Variants in AKAP13 observed in about 807,000 individuals in gnomAD.
The protein encoded by AKAP13 is A-kinase anchor protein 13.
A neutral mutation model predicts 264.5 loss-of-function variants in AKAP13; 80 were observed. The observed-to-expected ratio is 0.30, with a 90% confidence interval of 0.25 to 0.36. The LOEUF is 0.36. Among genes scored for constraint, AKAP13 ranks in the 10% least tolerant of loss-of-function variants. AKAP13 has a pLI of 1.00. For missense variants in AKAP13, 3,712 were observed against 3,435.2 expected, an observed-to-expected ratio of 1.08 and a Z score of -2.01; for synonymous variants, 1,380 against 1,250.2, an observed-to-expected ratio of 1.10 and a Z score of -2.19.
At chr15:85,430,861 C>T (rs932148149) in intron 1 of AKAP13, among the ~76,000 whole-genome samples, 1 of 152,150 alleles carries the variant, frequency 6.6e-6, no homozygotes, top group Non-Finnish European at 1.5e-5. Context: ...GGTTTAAATA[C>T]TTGTACTAGG....
intron 17 of AKAP13, among the ~76,000 whole-genome samples, chr15:85,703,867 T>TGC (rs2086076872): frequency 1.3e-5 from 2 of 149,934 alleles, no homozygotes; most frequent in Admixed American, 6.7e-5. Context: ...TATATATATA[T>TGC]ATATACACAC....
chr15:85,382,772 C>G (rs1328980231), intron 1 of AKAP13, among the ~76,000 whole-genome samples: 1 of 152,032 alleles, frequency 6.6e-6, no homozygotes, highest in Non-Finnish European at 1.5e-5. Context: ...AGCTTTTTAC[C>G]CTCTTTGCCG....
chr15:85,726,824 T>C (rs988819041), intron 27 of AKAP13, among the ~76,000 whole-genome samples: 1 of 152,260 alleles, frequency 6.6e-6, no homozygotes, highest in Non-Finnish European at 1.5e-5. Flanking sequence ...CCTGGAAAGA[T>C]TCATCGTGTG....
At chr15:85,606,659 G>T (rs2080361120) in intron 8 of AKAP13, among the ~76,000 whole-genome samples, 1 of 152,176 alleles carries the variant, frequency 6.6e-6, no homozygotes, top group African/African-American at 2.4e-5. Flanking sequence ...GGCATCATGG[G>T]GGTGACTACA....
chr15:85,566,907 C>G (rs533964379), intron 5 of AKAP13, among the ~76,000 whole-genome samples: 14 of 151,708 alleles, frequency 9.2e-5, no homozygotes, highest in Non-Finnish European at 2.1e-4. Context: ...GGATTACAGA[C>G]GTGAGCCACT....
chr15:85,513,510 A>G (rs2076510460), intron 2 of AKAP13, among the ~76,000 whole-genome samples: 1 of 152,240 alleles, frequency 6.6e-6, no homozygotes, highest in Non-Finnish European at 1.5e-5. Flanking sequence ...ACTCAGGGCA[A>G]CACCTGTTGT....
chr15:85,583,121 T>C (rs2079193725), intron 7 of AKAP13: 1 of 985,368 alleles, frequency 1.0e-6, no homozygotes, highest in African/African-American at 1.7e-5. Context: ...TTACCAGCTG[T>C]AGACAGAAGA....
chr15:85,565,114 G>T lies in AKAP13; in HGVS notation c.663-10017G>T, dbSNP rs368941564. Reference sequence around the variant, plus strand: ...TCTGTTTTGAAATCGGGTTGAATGTGAAAATCTAAGAGACTTTAACACTGT... The same window carrying T: ...TCTGTTTTGAAATCGGGTTGAATGTTAAAATCTAAGAGACTTTAACACTGT... On this transcript the variant is annotated intron_variant, in intron 5 of 36. Transcript: ENST00000394518. Among the ~76,000 whole-genome samples the T allele has an allele frequency of 1.9e-4, 29 of 152,268 alleles. No homozygotes were observed. In the East Asian group the frequency reaches 5.0e-3, roughly 26 times the overall value.
intron 1 of AKAP13, among the ~76,000 whole-genome samples, chr15:85,443,782 TG>T (rs2073801571): frequency 1.3e-5 from 2 of 151,030 alleles, no homozygotes; most frequent in Non-Finnish European, 3.0e-5. Flanking sequence ...AGTGTGTGTG[TG>T]TGTGTGTGTG....
At chr15:85,567,189 C>G (rs550884171) in intron 5 of AKAP13, among the ~76,000 whole-genome samples, 1 of 151,346 alleles carries the variant, frequency 6.6e-6, no homozygotes, top group Non-Finnish European at 1.5e-5. Context: ...CTCACTGCAA[C>G]CTCCACCTCC....
At chr15:85,612,667 C>G (rs2080703230) in intron 8 of AKAP13, among the ~76,000 whole-genome samples, 1 of 151,820 alleles carries the variant, frequency 6.6e-6, no homozygotes, top group Non-Finnish European at 1.5e-5. Flanking sequence ...ACTAAAAATA[C>G]AAGAATTAGC....
At chr15:85,691,410 C>G (rs1313879855) in intron 16 of AKAP13, among the ~76,000 whole-genome samples, 1 of 152,176 alleles carries the variant, frequency 6.6e-6, no homozygotes, top group African/African-American at 2.4e-5. Context: ...ATGTCCCTGA[C>G]TGCTTTAGAT....
At chr15:85,733,002 A>G (rs894909125) in intron 30 of AKAP13, among the ~76,000 whole-genome samples, 1 of 152,208 alleles carries the variant, frequency 6.6e-6, no homozygotes, top group African/African-American at 2.4e-5. Flanking sequence ...TAACTGTTAC[A>G]TGCCATATGC....
chr15:85,486,735 A>G (rs1596316800), intron 2 of AKAP13, among the ~76,000 whole-genome samples: 1 of 106,830 alleles, frequency 9.4e-6, no homozygotes, highest in South Asian at 2.8e-4. Context: ...TTAATTGTTC[A>G]GTTCTTTTTT....
intron 3 of AKAP13, among the ~76,000 whole-genome samples, chr15:85,522,061 A>T (rs2076842008): frequency 6.6e-6 from 1 of 152,136 alleles, no homozygotes; most frequent in South Asian, 2.1e-4. Context: ...CCTGTGATGT[A>T]TATCATATCA....
intron 8 of AKAP13, among the ~76,000 whole-genome samples, chr15:85,605,218 C>T (rs1472544705): frequency 2.6e-5 from 4 of 152,094 alleles, no homozygotes; most frequent in Non-Finnish European, 5.9e-5. Flanking sequence ...AATAATTTAC[C>T]ATTTTGTGGA....
chr15:85,474,993 G>T (rs1453821048), intron 1 of AKAP13, among the ~76,000 whole-genome samples: 2 of 152,142 alleles, frequency 1.3e-5, no homozygotes, highest in African/African-American at 4.8e-5. Flanking sequence ...GTCCAGGTAA[G>T]GTCATCCAGC....
chr15:85,478,086 TC>T (rs2151037435), intron 1 of AKAP13, among the ~76,000 whole-genome samples: 2 of 152,346 alleles, frequency 1.3e-5, no homozygotes, highest in South Asian at 4.1e-4. Flanking sequence ...TCCTTCCTGA[TC>T]CTTGTAACAT....
intron 33 of AKAP13, 110 bp from the exon 34 acceptor site, chr15:85,740,112 G>A (rs1567224362): frequency 2.8e-6 from 3 of 1,069,254 alleles, no homozygotes; most frequent in Non-Finnish European, 4.2e-6. Flanking sequence ...AAAGATATAA[G>A]CATTTAGTTG....
Sources: allele counts gnomAD v4.1 joint callset (sites outside exome capture counted in the v4.1 genomes callset), GRCh38; gene constraint gnomAD v4.1.1; transcripts MANE v1.5; gene names NCBI Gene and HGNC (gene_info 2026-07-23, HGNC 2026-07-21).